Variants in PRKD2 observed in about 807,000 individuals in gnomAD.
PRKD2 encodes the protein protein kinase D2.
A neutral mutation model predicts 86.0 loss-of-function variants in PRKD2; 22 were observed. That is an observed-to-expected ratio of 0.26 (90% CI 0.18 to 0.37). The LOEUF is 0.37. Among genes scored for constraint, PRKD2 ranks in the 10% least tolerant of loss-of-function variants. The pLI is 1.00. For synonymous variants in PRKD2, 509 were observed against 510.9 expected (o/e 1.00, Z 0.05); for missense variants, 818 against 1,199.2 (o/e 0.68, Z 4.70).
Position 46,700,780 on chromosome 19 carries a change from T to A in PRKD2, c.1121+19A>T. On this transcript the variant is annotated intron_variant, in intron 7 of 17. Coordinates refer to ENST00000291281, the MANE Select transcript of PRKD2 (RefSeq NM_016457.5). ...AGGAGGGTCTTCCCCCAGGGTCTCT[T>A]GGAGGGTTCTGTGTATACCTCTGGG... 6.2e-7 allele frequency: 1 copy of A among 1,601,548 alleles called. No individual in the cohort carries two copies. Among genetic ancestry groups the A allele is most frequent in the Non-Finnish European group, 8.6e-7 (1 of 1,169,462 alleles).
chr19:46,701,799 T>C (rs543687525), intron 5 of PRKD2, among the ~76,000 whole-genome samples: 1 of 152,028 alleles, frequency 6.6e-6, no homozygotes, highest in Non-Finnish European at 1.5e-5. Flanking sequence ...CTCTGTGTAT[T>C]GTAGGATGTT....
chr19:46,681,804 C>A, intron 14 of PRKD2, 56 bp from the exon 15 acceptor site: 2 of 1,147,864 alleles, frequency 1.7e-6, no homozygotes, highest in Non-Finnish European at 2.6e-6. Flanking sequence ...AGCCAAATCC[C>A]AACCTCAGCA....
intron 9 of PRKD2, among the ~76,000 whole-genome samples, chr19:46,695,705 T>TG (rs1175345945): frequency 1.3e-5 from 2 of 151,728 alleles, no homozygotes; most frequent in Admixed American, 6.6e-5. Context: ...ACAGGGACTA[T>TG]GGGGTGGGAA....
intron 1 of PRKD2, among the ~76,000 whole-genome samples, chr19:46,715,240 T>C (rs2053867741): frequency 6.6e-6 from 1 of 152,214 alleles, no homozygotes; most frequent in African/African-American, 2.4e-5. Flanking sequence ...ACCTCATCCA[T>C]CCAGCATTCT....
chr19:46,680,575 C>T (rs996412574), intron 15 of PRKD2, among the ~76,000 whole-genome samples: 4 of 152,026 alleles, frequency 2.6e-5, no homozygotes, highest in Non-Finnish European at 4.4e-5. Flanking sequence ...AGGCATGAGC[C>T]GCTGCGCTCA....
intron 10 of PRKD2, 51 bp from the exon 11 acceptor site, chr19:46,692,036 C>T (rs1239229351): frequency 1.9e-6 from 3 of 1,568,414 alleles, no homozygotes; most frequent in South Asian, 2.2e-5. Context: ...TCAGGATTAT[C>T]TCCACCCATA....
At chr19:46,696,589 C>T (rs2053561482) in intron 9 of PRKD2, among the ~76,000 whole-genome samples, 1 of 151,970 alleles carries the variant, frequency 6.6e-6, no homozygotes, top group Non-Finnish European at 1.5e-5. Flanking sequence ...GAAACCCCGT[C>T]TCTACTAAAA....
rs113775461 is a variant in PRKD2, at chr19:46,708,964, T to G, written c.511+1943A>C. On this transcript the variant is annotated intron_variant, in intron 3 of 17. Transcript: ENST00000291281. ...CTAGATGTTGCCATGAAGGTTGGTT[T>G]GTTTGTGGTTTTTTTTTTTTTTTTT... Among the ~76,000 whole-genome samples the G allele has an allele frequency of 3.0e-3, 403 of 136,164 alleles. 2 individuals are homozygous for G. The highest frequency in any genetic ancestry group is 0.012 in the Middle Eastern group (3 of 250). The allele number at this position is 136,164 out of a possible 152,430, so 89.3% of individuals were successfully genotyped here.
chr19:46,688,303 C>T (rs936932343), intron 14 of PRKD2, among the ~76,000 whole-genome samples: 3 of 151,864 alleles, frequency 2.0e-5, no homozygotes, highest in Non-Finnish European at 4.4e-5. Context: ...ATGCCTGACT[C>T]CCCTTTTTTC....
At chr19:46,702,627 T>C (rs935245376) in intron 5 of PRKD2, among the ~76,000 whole-genome samples, 1 of 152,116 alleles carries the variant, frequency 6.6e-6, no homozygotes, top group Non-Finnish European at 1.5e-5. Flanking sequence ...ATTGTTCCAG[T>C]AAATTCTTGA....
Position 46,705,326 on chromosome 19 carries a change from C to T in PRKD2, c.512-677G>A, listed in dbSNP as rs535485741. 3.9e-5 allele frequency among the ~76,000 whole-genome samples: 6 copies of T among 152,014 alleles called. No homozygotes were observed. The South Asian group carries it at 1.2e-3, about 32-fold the overall frequency. On this transcript the variant is annotated intron_variant, in intron 3 of 17. Coordinates refer to ENST00000291281, the MANE Select transcript of PRKD2 (RefSeq NM_016457.5). ...CCCTGACCTTCCTTTTTCTGAGGCC[C>T]CTTTGGTTCCCCCTCTTTCCCCAAC...
chr19:46,675,953 A>G (rs1342394746), intron 16 of PRKD2, among the ~76,000 whole-genome samples: 6 of 149,952 alleles, frequency 4.0e-5, no homozygotes, highest in Non-Finnish European at 5.9e-5. Flanking sequence ...TATTTTTTGT[A>G]GAGATACATT....
At chr19:46,686,757 C>G (rs2053404427) in intron 14 of PRKD2, among the ~76,000 whole-genome samples, 1 of 151,686 alleles carries the variant, frequency 6.6e-6, no homozygotes, top group South Asian at 2.1e-4. Context: ...CGAGACCATC[C>G]TGGTTAACAC....
intron 5 of PRKD2, among the ~76,000 whole-genome samples, chr19:46,702,214 A>G (rs1455922302): frequency 1.3e-5 from 2 of 151,142 alleles, no homozygotes; most frequent in Non-Finnish European, 3.0e-5. Flanking sequence ...AATTTTTCGT[A>G]TTTTTTGTAG....
chr19:46,706,410 C>G (rs935819619), intron 3 of PRKD2, among the ~76,000 whole-genome samples: 1 of 152,146 alleles, frequency 6.6e-6, no homozygotes, highest in African/African-American at 2.4e-5. Flanking sequence ...GCTGTAATCA[C>G]GGAGGCAAGC....
chr19:46,674,366 G>C lies in PRKD2; in HGVS notation c.*157C>G, dbSNP rs1939354792. On this transcript the variant is annotated 3_prime_UTR_variant, in exon 18 of 18. Transcript: ENST00000291281. ...GAGATGAGTCCGTTTTAATTGCTGG[G>C]GAAACAGGGAGGGGCCTTGGAAATA... 2.7e-6 allele frequency: 2 copies of C among 744,316 alleles called. No individual in the cohort carries two copies. The highest frequency in any genetic ancestry group is 3.8e-5 in the South Asian group (2 of 52,618). The allele number at this position is 744,316 out of a possible 1,614,324, so 46.1% of individuals were successfully genotyped here.
rs1232498378 is a variant in PRKD2 at position 46,678,321 on chromosome 19, C to G, written c.2338+75G>C. The G allele has an allele frequency of 6.4e-7, 1 of 1,551,504 alleles. No homozygotes were observed. The highest frequency in any genetic ancestry group is 2.4e-5 in the East Asian group (1 of 41,944). On this transcript the variant is annotated intron_variant, in intron 16 of 17. Coordinates refer to ENST00000291281, the MANE Select transcript of PRKD2 (RefSeq NM_016457.5). The surrounding 1 kb of genome is among the most constrained non-coding windows in gnomAD (Gnocchi z 5.7). The stretch of plus-strand genomic sequence containing the variant: ...CCAGGCTGTTTCCGGGTCCACCCCC[C>G]TCTCATGGCTCCGCCCACTTCTCCA...
At position 46,714,030 on chromosome 19, in the gene PRKD2, G is replaced by T. The variant is rs200751270; in HGVS notation, c.241-29C>A. On this transcript the variant is annotated intron_variant, in intron 1 of 17. Transcript: ENST00000291281. ...AGGGGCGGGAGAGGGATGTGGCGAC[G>T]GAAAAGCTCAGAGCCGCCTTCAGCA... The T allele has an allele frequency of 7.2e-4, 1,163 of 1,609,080 alleles. 3 individuals are homozygous for T. In the African/African-American group the frequency reaches 8.0e-3, roughly 11 times the overall value.
In PRKD2 at chr19:46,678,267, C is replaced by T. The variant is rs905995871; in HGVS notation, c.2338+129G>A. 1.4e-4 allele frequency: 200 copies of T among 1,406,282 alleles called. No individual in the cohort carries two copies. The highest frequency in any genetic ancestry group is 1.9e-4 in the Non-Finnish European group (194 of 1,047,764). The allele number at this position is 1,406,282 out of a possible 1,614,324, so 87.1% of individuals were successfully genotyped here. On this transcript the variant is annotated intron_variant, in intron 16 of 17. Transcript: ENST00000291281. The surrounding 1 kb of genome is among the most constrained non-coding windows in gnomAD (Gnocchi z 5.7). ...TAGCCACATCCCTCCAGTAGGCCCG[C>T]CCCAGCACTGGGCTCCACCCCCAAG...
Sources: gnomAD v4.1 joint callset for allele counts (sites outside exome capture counted in the v4.1 genomes callset) on GRCh38, gnomAD v4.1.1 for gene constraint, Gnocchi (gnomAD v3.1) non-coding constraint, MANE v1.5 for transcripts, NCBI Gene and HGNC (gene_info 2026-07-23, HGNC 2026-07-21) for gene names.